Variants in ATAD2 observed in about 807,000 individuals in gnomAD.
ATAD2 encodes the protein ATPase family AAA domain-containing protein 2.
A neutral mutation model predicts 168.9 loss-of-function variants in ATAD2; 62 were observed. That is an observed-to-expected ratio of 0.37 (90% CI 0.30 to 0.45). The LOEUF is 0.45. ATAD2 is among the 20% of genes least tolerant of loss of function. ATAD2 has a pLI of 1.00. For synonymous variants in ATAD2, 613 were observed against 571.6 expected, an observed-to-expected ratio of 1.07 and a Z score of -1.03; for missense variants, 1,419 against 1,667.8, an observed-to-expected ratio of 0.85 and a Z score of 2.60.
At chr8:123,401,473 G>C in intron 1 of ATAD2, 1 of 1,556,830 alleles carries the variant, frequency 6.4e-7, no homozygotes, top group South Asian at 1.1e-5. Context: ...CAGGTGATTG[G>C]GGGGAACGTG....
At chr8:123,341,231 A>G (rs1828054058) in intron 19 of ATAD2, among the ~76,000 whole-genome samples, 1 of 152,228 alleles carries the variant, frequency 6.6e-6, no homozygotes, top group African/African-American at 2.4e-5. Flanking sequence ...ATCCTAAGAA[A>G]AAAAGTAAGA....
At chr8:123,394,032 C>A (rs985931688) in intron 1 of ATAD2, among the ~76,000 whole-genome samples, 18 of 151,764 alleles carry the variant, frequency 1.2e-4, no homozygotes, top group African/African-American at 4.1e-4. Context: ...GTGGAGCCAA[C>A]AGAATTTGCT....
chr8:123,322,199 G>A (rs567181199), intron 27 of ATAD2, among the ~76,000 whole-genome samples: 80 of 152,148 alleles, frequency 5.3e-4, no homozygotes, highest in African/African-American at 1.9e-3. Flanking sequence ...TGTTGGCCAG[G>A]CTAGTCTTGA....
At chr8:123,400,510 A>G (rs1173041560), upstream of ATAD2, 2 of 389,664 alleles carry the variant, frequency 5.1e-6, no homozygotes, top group Non-Finnish European at 9.8e-6. The surrounding 1 kb of genome is among the most constrained non-coding windows in gnomAD (Gnocchi z 4.5). Flanking sequence ...TCTCAAAAAA[A>G]TAGCCTGCCC....
chr8:123,361,849 CTA>C (rs1291309673), intron 8 of ATAD2, among the ~76,000 whole-genome samples: 1 of 152,126 alleles, frequency 6.6e-6, no homozygotes, highest in Non-Finnish European at 1.5e-5. Context: ...GGAAAAAAGA[CTA>C]AAGACTGTGG....
chr8:123,403,349 T>G (rs907797515), intron 1 of ATAD2, among the ~76,000 whole-genome samples: 18 of 151,966 alleles, frequency 1.2e-4, no homozygotes, highest in African/African-American at 4.4e-4. Flanking sequence ...ATCTGCCCAC[T>G]TAGGCCTCCC....
At chr8:123,414,889 C>T (rs982603194) in intron 1 of ATAD2, among the ~76,000 whole-genome samples, 1 of 152,192 alleles carries the variant, frequency 6.6e-6, no homozygotes, top group Admixed American at 6.6e-5. Flanking sequence ...AGACCATTTA[C>T]ATTCAATGTT....
chr8:123,384,669 T>C (rs963062073), intron 1 of ATAD2, among the ~76,000 whole-genome samples: 6 of 152,228 alleles, frequency 3.9e-5, no homozygotes, highest in African/African-American at 1.2e-4. Context: ...GCAATAACTA[T>C]GATACATCCA....
intron 9 of ATAD2, 35 bp from the exon 10 acceptor site, chr8:123,359,720 C>A: frequency 7.1e-7 from 1 of 1,415,636 alleles, no homozygotes. Flanking sequence ...CACACAAACC[C>A]ATCAACTCAC....
chr8:123,356,337 T>A lies in ATAD2; in HGVS notation c.1646+52A>T, dbSNP rs372398781. The A allele has an allele frequency of 2.1e-6, 3 of 1,448,174 alleles. No homozygotes were observed. In the Admixed American group the frequency reaches 5.2e-5, roughly 25 times the overall value. 89.7% of individuals were successfully genotyped at this position (1,448,174 alleles called of 1,614,324 possible). On this transcript the variant is annotated intron_variant, in intron 13 of 27. Transcript: ENST00000287394. ...TAACATTCTATCTCTCACACATCAA[T>A]ACCACTCAGGAAATAGGAAGAAACG...
intron 22 of ATAD2, among the ~76,000 whole-genome samples, chr8:123,335,657 T>C (rs938429923): frequency 6.6e-6 from 1 of 152,084 alleles, no homozygotes; most frequent in Non-Finnish European, 1.5e-5. Context: ...AACAAACATA[T>C]CATTAAAAAT....
chr8:123,320,753 G>A lies in ATAD2; in HGVS notation c.*381C>T. 1 of 172,114 alleles carries A rather than the reference G, an allele frequency of 5.8e-6. No individual in the cohort carries two copies. The allele number at this position is 172,114 out of a possible 1,614,324, so 10.7% of individuals were successfully genotyped here. A position where few individuals can be genotyped will look rare whatever the true frequency, so the allele number is the denominator to read the frequency against. ...GACACAATGGTTAAGTAAGTTTCTT[G>A]TCAGATACAATAAACTATTTTTAGG... On this transcript the variant is annotated 3_prime_UTR_variant, in exon 28 of 28. Coordinates refer to ENST00000287394, the MANE Select transcript of ATAD2 (RefSeq NM_014109.4).
chr8:123,352,919 C>A (rs982814123), intron 13 of ATAD2, among the ~76,000 whole-genome samples: 4 of 151,696 alleles, frequency 2.6e-5, no homozygotes, highest in African/African-American at 4.8e-5. Flanking sequence ...AAACAAACAA[C>A]CAAAACCCAG....
intron 20 of ATAD2, among the ~76,000 whole-genome samples, chr8:123,339,094 T>C (rs1434559328): frequency 6.6e-6 from 1 of 152,094 alleles, no homozygotes; most frequent in African/African-American, 2.4e-5. Flanking sequence ...AAAATGAGCT[T>C]AGAAAGATAG....
At position 123,361,538 on chromosome 8, in the gene ATAD2, C is replaced by A; in HGVS notation, c.1157+1G>T. 9 of 1,608,962 alleles carry A rather than the reference C, an allele frequency of 5.6e-6. No homozygotes were observed. Among genetic ancestry groups the A allele is most frequent in the Non-Finnish European group, 7.7e-6 (9 of 1,175,776 alleles). On this transcript the variant is annotated splice_donor_variant, in intron 9 of 27. Transcript: ENST00000287394. LOFTEE classifies it high-confidence loss of function. ...TAAAAAGGCATCAATATGGCACTTA[C>A]CTATTGATAGCCCTATTACGACTCC...
chr8:123,408,288 CCTT>C (rs1324883179), intron 1 of ATAD2, among the ~76,000 whole-genome samples: 1 of 152,194 alleles, frequency 6.6e-6, no homozygotes, highest in Non-Finnish European at 1.5e-5. Context: ...GGCCCAGCCT[CCTT>C]CTGTGGAAAT....
At chr8:123,401,445 C>G, upstream of ATAD2, 1 of 1,453,138 alleles carries the variant, frequency 6.9e-7, no homozygotes, top group Non-Finnish European at 9.6e-7. Flanking sequence ...TTACGTCAAA[C>G]AGAAGTACTC....
At chr8:123,342,874 T>G (rs1828103223) in intron 19 of ATAD2, among the ~76,000 whole-genome samples, 1 of 152,200 alleles carries the variant, frequency 6.6e-6, no homozygotes, top group Non-Finnish European at 1.5e-5. Context: ...CAGATCTGCC[T>G]CAGAGCCTCT....
intron 19 of ATAD2, among the ~76,000 whole-genome samples, chr8:123,341,319 T>C (rs937582219): frequency 6.6e-6 from 1 of 152,178 alleles, no homozygotes; most frequent in Non-Finnish European, 1.5e-5. Flanking sequence ...TTAAACCGAT[T>C]ACATTTTTTC....
Sources: gnomAD v4.1 joint callset for allele counts (sites outside exome capture counted in the v4.1 genomes callset) on GRCh38, gnomAD v4.1.1 for gene constraint, Gnocchi (gnomAD v3.1) non-coding constraint, MANE v1.5 for transcripts, NCBI Gene and HGNC (gene_info 2026-07-23, HGNC 2026-07-21) for gene names.